The following CIT variants were observed in gnomAD, a reference collection of about 807,000 sequenced individuals.
CIT encodes citron rho-interacting serine/threonine kinase, also known as citron Rho-interacting kinase.
Under a neutral mutation model 272.7 loss-of-function variants are expected in CIT, and 79 were observed. That is an observed-to-expected ratio of 0.29 (90% CI 0.24 to 0.35). The LOEUF is 0.35. CIT is among the 10% of genes least tolerant of loss of function. CIT has a pLI of 1.00. For synonymous variants in CIT, 948 were observed against 995.6 expected (o/e 0.95, Z 0.90); for missense variants, 1,909 against 2,618.3 (o/e 0.73, Z 5.91).
intron 4 of CIT, among the ~76,000 whole-genome samples, chr12:119,855,419 AAAAT>A (rs781576567): frequency 2.6e-5 from 4 of 151,926 alleles, no homozygotes; most frequent in South Asian, 2.1e-4. Flanking sequence ...ACTCTGTCTC[AAAAT>A]AAATAAATAA....
intron 46 of CIT, among the ~76,000 whole-genome samples, chr12:119,692,383 T>G (rs962456751): frequency 2.6e-5 from 4 of 152,236 alleles, no homozygotes; most frequent in Non-Finnish European, 4.4e-5. Context: ...AGGCTATAAT[T>G]TTATCAACTT....
At chr12:119,720,906 C>T (rs1361647298) in intron 29 of CIT, among the ~76,000 whole-genome samples, 2 of 152,170 alleles carry the variant, frequency 1.3e-5, no homozygotes, top group East Asian at 1.9e-4. Flanking sequence ...ATATGCAGCA[C>T]AAAGATACTG....
At chr12:119,773,568 G>C (rs879791473) in intron 16 of CIT, among the ~76,000 whole-genome samples, 2 of 152,108 alleles carry the variant, frequency 1.3e-5, no homozygotes, top group Non-Finnish European at 2.9e-5. Context: ...CGAGTAGCTA[G>C]GATTACAGGC....
chr12:119,798,163 G>A (rs1425206077), intron 10 of CIT, among the ~76,000 whole-genome samples: 6 of 152,040 alleles, frequency 3.9e-5, no homozygotes, highest in African/African-American at 1.2e-4. Context: ...GAGCTATACC[G>A]TCTACCTACT....
intron 10 of CIT, among the ~76,000 whole-genome samples, chr12:119,787,631 T>C (rs761745410): frequency 7.3e-4 from 104 of 142,806 alleles, no homozygotes; most frequent in Non-Finnish European, 1.2e-3. Flanking sequence ...CTCCGGAGGC[T>C]GAGGCAGGAG....
chr12:119,770,924 A>G lies in CIT; in HGVS notation c.2083-14T>C. ...ATGGCGGCGTTCCTGTAGATCATGA[A>G]TCAATCAGAGAGTTTTAATGGAGTA... On this transcript the variant is annotated splice_polypyrimidine_tract_variant and intron_variant, in intron 17 of 47. Transcript: ENST00000392521. This position sits in a 1 kb window ranked among gnomAD's most constrained non-coding sequence, Gnocchi z 4.4. 1 of 1,612,488 alleles carries G rather than the reference A, an allele frequency of 6.2e-7. No homozygotes were observed. The highest frequency in any genetic ancestry group is 8.5e-7 in the Non-Finnish European group (1 of 1,179,756).
Position 119,728,777 on chromosome 12 carries a change from A to G in CIT, c.3487-171T>C, listed in dbSNP as rs1169807311. ...AGTCCCTGTCACTGGTGAGTCTTCC[A>G]TAGGTTATTATATGAGGATGGAAAT... On this transcript the variant is annotated intron_variant, in intron 27 of 47. Transcript: ENST00000392521. The surrounding 1 kb of genome is among the most constrained non-coding windows in gnomAD (Gnocchi z 4.3). Among the ~76,000 whole-genome samples the G allele has an allele frequency of 1.3e-5, 2 of 152,254 alleles. No homozygotes were observed. Among genetic ancestry groups the G allele is most frequent in the Non-Finnish European group, 2.9e-5 (2 of 68,040 alleles).
intron 26 of CIT, among the ~76,000 whole-genome samples, chr12:119,732,595 T>C (rs1958519040): frequency 6.6e-6 from 1 of 152,254 alleles, no homozygotes; most frequent in Non-Finnish European, 1.5e-5. Flanking sequence ...GAACTATTTC[T>C]ACCATTTCTT....
At chr12:119,791,534 T>A (rs1392222437) in intron 10 of CIT, among the ~76,000 whole-genome samples, 1 of 152,148 alleles carries the variant, frequency 6.6e-6, no homozygotes, top group Non-Finnish European at 1.5e-5. Context: ...CGAGATGCAG[T>A]ACAATGAAGA....
intron 5 of CIT, among the ~76,000 whole-genome samples, chr12:119,847,232 C>T (rs1969870647): frequency 6.6e-6 from 1 of 152,218 alleles, no homozygotes; most frequent in South Asian, 2.1e-4. Flanking sequence ...GATCTGCCCA[C>T]CTCGGCCTCC....
At chr12:119,812,653 T>A (rs1966860433) in intron 9 of CIT, among the ~76,000 whole-genome samples, 1 of 152,084 alleles carries the variant, frequency 6.6e-6, no homozygotes, top group African/African-American at 2.4e-5. Flanking sequence ...CTTGCTATGT[T>A]GCCCAGGCTA....
chr12:119,850,416 AGAAG>A (rs1213187184), intron 4 of CIT, 141 bp from the exon 5 acceptor site: 17 of 426,582 alleles, frequency 4.0e-5, no homozygotes, highest in East Asian at 2.5e-4. Flanking sequence ...AAAAGAAAAC[AGAAG>A]GAAGGAAGGA....
Position 119,698,068 on chromosome 12 carries a change from A to G in CIT, c.5624-14T>C. ...GTTCTCTGTAGGCTGTGTGATCACC[A>G]TGCAGGCACAGTGTGGGCCAAAGAA... is the stretch of plus-strand genomic sequence containing the variant. On this transcript the variant is annotated splice_polypyrimidine_tract_variant and intron_variant, in intron 44 of 47. Coordinates refer to ENST00000392521, the MANE Select transcript of CIT (RefSeq NM_001206999.2). 6.2e-7 allele frequency: 1 copy of G among 1,612,124 alleles called. No individual in the cohort carries two copies. Among genetic ancestry groups the G allele is most frequent in the Non-Finnish European group, 8.5e-7 (1 of 1,178,170 alleles).
intron 32 of CIT, among the ~76,000 whole-genome samples, chr12:119,717,831 C>CTTCT (rs1301273172): frequency 9.3e-5 from 7 of 75,230 alleles, no homozygotes; most frequent in Admixed American, 6.5e-4. Flanking sequence ...AGGAGACTGA[C>CTTCT]TTCTTTCTTT....
intron 16 of CIT, 81 bp from the exon 17 acceptor site, chr12:119,772,991 A>T: frequency 1.9e-6 from 2 of 1,076,538 alleles, no homozygotes; most frequent in Non-Finnish European, 2.5e-6. Flanking sequence ...CTGCACATGT[A>T]TCCCAGAACT....
At chr12:119,730,375 C>T in intron 27 of CIT, 120 bp downstream of exon 27, 1 of 1,213,144 alleles carries the variant, frequency 8.2e-7, no homozygotes, top group Non-Finnish European at 1.1e-6. Flanking sequence ...TTTTGGAGTG[C>T]ATGAACATAT....
rs1407999872 is a variant in CIT, at chr12:119,876,186, A to G, written c.-13-5T>C. 19 of 1,591,908 alleles carry G rather than the reference A, an allele frequency of 1.2e-5. No individual in the cohort carries two copies. Among genetic ancestry groups the G allele is most frequent in the Non-Finnish European group, 1.6e-5 (19 of 1,160,766 alleles). ...TTCAACATCTCCCCACTGGCGCTGA[A>G]AGGATATCAGAAAAGTCAAGTGTGT... On this transcript the variant is annotated splice_polypyrimidine_tract_variant and splice_region_variant and intron_variant, in intron 1 of 47. Transcript: ENST00000392521.
chr12:119,784,628 T>TTGA lies in CIT; in HGVS notation c.1401+331_1401+332insTCA. 8.2e-7 allele frequency: 1 copy of TTGA among 1,219,128 alleles called. No homozygotes were observed. Among genetic ancestry groups the TTGA allele is most frequent in the Middle Eastern group, 3.4e-4 (1 of 2,936 alleles). 75.5% of individuals were successfully genotyped at this position (1,219,128 alleles called of 1,614,324 possible). On this transcript the variant is annotated intron_variant, in intron 11 of 47. Transcript: ENST00000392521. The surrounding 1 kb of genome is among the most constrained non-coding windows in gnomAD (Gnocchi z 4.7). ...AAAGACTAGGAAGAGAGACTTCGCA[T>TTGA]CACTCAAAGCAGATGGGATGTATCT...
Position 119,728,677 on chromosome 12 carries a change from C to T in CIT, c.3487-71G>A. 9.6e-7 allele frequency: 1 copy of T among 1,040,406 alleles called. No individual in the cohort carries two copies. Among genetic ancestry groups the T allele is most frequent in the Non-Finnish European group, 1.5e-6 (1 of 686,110 alleles). 64.4% of individuals were successfully genotyped at this position (1,040,406 alleles called of 1,614,324 possible). A position where few individuals can be genotyped will look rare whatever the true frequency, so the allele number is the denominator to read the frequency against. On this transcript the variant is annotated intron_variant, in intron 27 of 47. Transcript: ENST00000392521. This position sits in a 1 kb window ranked among gnomAD's most constrained non-coding sequence, Gnocchi z 4.3. Reference sequence around the variant, plus strand: ...AGATGCTGACAACGTTTATGAATGTCCACGAACCTTCACGGAGAAAGAATA... The same window carrying T: ...AGATGCTGACAACGTTTATGAATGTTCACGAACCTTCACGGAGAAAGAATA...
Sources: allele counts gnomAD v4.1 joint callset (sites outside exome capture counted in the v4.1 genomes callset), GRCh38; gene constraint gnomAD v4.1.1; non-coding constraint Gnocchi (gnomAD v3.1); transcripts MANE v1.5; gene names NCBI Gene and HGNC (gene_info 2026-07-23, HGNC 2026-07-21).